MLIP: variants seen among roughly 807,000 people sequenced by gnomAD.
The protein encoded by MLIP is muscular LMNA-interacting protein.
MLIP carries 79 observed loss-of-function variants against 84.8 expected under a neutral mutation model. The ratio of observed to expected loss-of-function variants is 0.93; its 90% CI spans 0.78 to 1.12. The LOEUF is 1.12. Among genes scored for constraint, MLIP ranks in the 50% most tolerant of loss-of-function variants. The pLI, the probability that MLIP is intolerant of heterozygous loss-of-function variation, is 0.00. For missense variants in MLIP, 1,257 were observed against 1,160.6 expected, an observed-to-expected ratio of 1.08 and a Z score of -1.21; for synonymous variants, 504 against 463.0, an observed-to-expected ratio of 1.09 and a Z score of -1.14.
intron 1 of MLIP, among the ~76,000 whole-genome samples, chr6:54,084,308 C>T (rs1244192019): frequency 1.3e-5 from 2 of 152,090 alleles, no homozygotes; most frequent in African/African-American, 4.8e-5. Flanking sequence ...TATGAATTAT[C>T]CACAGTAGTA....
At chr6:54,210,626 C>T (rs1404563783) in intron 11 of MLIP, among the ~76,000 whole-genome samples, 1 of 148,548 alleles carries the variant, frequency 6.7e-6, no homozygotes, top group African/African-American at 2.5e-5. Flanking sequence ...TATTGGCAGC[C>T]AAGACTCTGA....
chr6:54,083,480 A>G (rs1224980058), intron 1 of MLIP: 1 of 1,532,614 alleles, frequency 6.5e-7, no homozygotes, highest in Non-Finnish European at 8.7e-7. Context: ...AGCAGCTGAC[A>G]CAGGCAAGTG....
chr6:54,151,196 C>T (rs1773406244), intron 5 of MLIP, among the ~76,000 whole-genome samples: 1 of 152,004 alleles, frequency 6.6e-6, no homozygotes, highest in African/African-American at 2.4e-5. Context: ...AATTATTCCA[C>T]ATACTTTCTG....
chr6:54,067,920 G>C (rs1405009033), intron 1 of MLIP, among the ~76,000 whole-genome samples: 1 of 99,626 alleles, frequency 1.0e-5, no homozygotes, highest in African/African-American at 2.6e-5. Context: ...GCCAAGCTAG[G>C]GATGCACAAG....
rs1413697033 is a variant in MLIP, at chr6:54,065,412, G to T, written c.63+46321G>T. ...AAAAGGATTTAGAGGCATATTCAAAGATATTACTAAATGTATAAAGGGATT... is the reference window on the plus strand; with the variant it reads ...AAAAGGATTTAGAGGCATATTCAAATATATTACTAAATGTATAAAGGGATT... On this transcript the variant is annotated intron_variant, in intron 1 of 12. Transcript: ENST00000274897. Among the ~76,000 whole-genome samples, 3 of 100,632 alleles carry T rather than the reference G, an allele frequency of 3.0e-5. 1 individual carries two copies. The highest frequency in any genetic ancestry group is 7.7e-5 in the African/African-American group (3 of 39,172). The allele number at this position is 100,632 out of a possible 152,430, so 66.0% of individuals were successfully genotyped here.
chr6:54,211,684 G>C (rs1779462133), intron 11 of MLIP, among the ~76,000 whole-genome samples: 4 of 152,182 alleles, frequency 2.6e-5, no homozygotes, highest in Admixed American at 2.6e-4. Flanking sequence ...TTACAACTGA[G>C]AAAGTGGGAT....
At chr6:54,168,008 C>T (rs1465137983) in intron 8 of MLIP, among the ~76,000 whole-genome samples, 1 of 151,910 alleles carries the variant, frequency 6.6e-6, no homozygotes, top group Non-Finnish European at 1.5e-5. Context: ...GGGCTTCTCT[C>T]TTCAGGTTCC....
intron 13 of MLIP, 135 bp from the exon 14 acceptor site, chr6:54,265,815 A>C: frequency 2.7e-6 from 2 of 738,938 alleles, no homozygotes; most frequent in South Asian, 1.8e-5. Context: ...AGGAATAAAA[A>C]TAAGCTTTTC....
At position 54,202,129 on chromosome 6, in the gene MLIP, G is replaced by A. The variant is rs201429566; in HGVS notation, c.2614G>A (p.Val872Ile). 2 of 1,594,644 alleles carry A rather than the reference G, an allele frequency of 1.3e-6. No homozygotes were observed. Among genetic ancestry groups the A allele is most frequent in the South Asian group, 1.1e-5 (1 of 87,720 alleles). The change falls in exon 11 of 14, where the codon GTA becomes ATA. Residue 872 changes from valine (V) to isoleucine (I), a missense_variant. Transcript: ENST00000502396. The part of the protein sequence containing the change: ...QLTKPGVIRP[V>I]PVKSRILLKK... ...GACTAAGCCTGGAGTAATTCGCCCA[G>A]TACCTGTAAAATCCAGAATATTACT...
intron 9 of MLIP, among the ~76,000 whole-genome samples, chr6:54,178,713 T>C (rs1219938885): frequency 6.6e-6 from 1 of 152,184 alleles, no homozygotes; most frequent in Non-Finnish European, 1.5e-5. Context: ...AATTTCATGT[T>C]GTTATTGATT....
At chr6:54,107,616 G>A (rs1034164974), upstream of MLIP, among the ~76,000 whole-genome samples, 8 of 152,150 alleles carry the variant, frequency 5.3e-5, no homozygotes, top group Admixed American at 3.3e-4. Context: ...AAATCTCCCC[G>A]AAAACAACCT....
At chr6:54,245,085 C>A (rs183243528) in intron 12 of MLIP, among the ~76,000 whole-genome samples, 80 of 152,230 alleles carry the variant, frequency 5.3e-4, no homozygotes, top group Non-Finnish European at 6.9e-4. Context: ...TCCATTTGCA[C>A]CTTGTTCTGA....
intron 12 of MLIP, among the ~76,000 whole-genome samples, chr6:54,251,783 T>G (rs1349412626): frequency 1.0e-5 from 1 of 97,248 alleles, no homozygotes; most frequent in African/African-American, 4.4e-5. Flanking sequence ...TATTATAACA[T>G]ATAATATATA....
At chr6:54,138,464 G>A (rs892092902) in intron 4 of MLIP, among the ~76,000 whole-genome samples, 178 bp downstream of exon 4, 1 of 152,048 alleles carries the variant, frequency 6.6e-6, no homozygotes, top group Non-Finnish European at 1.5e-5. Context: ...ATTATAATCT[G>A]TATAGAATTA....
intron 10 of MLIP, among the ~76,000 whole-genome samples, chr6:54,199,396 A>G (rs1238961322): frequency 6.6e-6 from 1 of 152,176 alleles, no homozygotes; most frequent in East Asian, 1.9e-4. Flanking sequence ...GAGATGATCT[A>G]TCTAAAATAT....
At chr6:54,199,627 G>A (rs1369802700) in intron 10 of MLIP, among the ~76,000 whole-genome samples, 1 of 152,066 alleles carries the variant, frequency 6.6e-6, no homozygotes, top group African/African-American at 2.4e-5. Flanking sequence ...ACTAGGGTTA[G>A]ATTTTTAACT....
chr6:54,109,356 G>A (rs1469866846), upstream of MLIP, among the ~76,000 whole-genome samples: 1 of 152,012 alleles, frequency 6.6e-6, no homozygotes, highest in African/African-American at 2.4e-5. Flanking sequence ...AATCTTACAT[G>A]CTGAATTTAA....
Position 54,136,732 on chromosome 6 carries a change from T to A in MLIP, c.663T>A (p.Thr221=). Residue 221 remains threonine (T), a synonymous_variant, in exon 4 of 14, where the codon ACT becomes ACA. Coordinates refer to ENST00000502396, the MANE Select transcript of MLIP (RefSeq NM_001281747.2). The stretch of plus-strand genomic sequence containing the variant: ...TCCTCTAGTTAACTTCTTCTCCCAC[T>A]ACCTCTGAGCAGCTTGCCTGTAAAC... ...QKHGQLTSSP[T]TSEQLACKPP... 6.7e-7 allele frequency: 1 copy of A among 1,493,396 alleles called. No homozygotes were observed. The highest frequency in any genetic ancestry group is 8.9e-7 in the Non-Finnish European group (1 of 1,118,980). The allele number at this position is 1,493,396 out of a possible 1,614,324, so 92.5% of individuals were successfully genotyped here.
intron 9 of MLIP, among the ~76,000 whole-genome samples, chr6:54,181,566 T>C (rs1255857015): frequency 1.3e-5 from 2 of 152,204 alleles, no homozygotes; most frequent in Non-Finnish European, 2.9e-5. Context: ...CTTTTCCCTA[T>C]GCTTTTCTCA....
Sources: allele counts gnomAD v4.1 joint callset (sites outside exome capture counted in the v4.1 genomes callset), GRCh38; gene constraint gnomAD v4.1.1; transcripts MANE v1.5; gene names NCBI Gene and HGNC (gene_info 2026-07-23, HGNC 2026-07-21).